The following PRDM13 variants were observed in gnomAD, a reference collection of about 807,000 sequenced individuals.
The protein encoded by PRDM13 is PR domain zinc finger protein 13.
A neutral mutation model predicts 36.4 loss-of-function variants in PRDM13; 15 were observed. The ratio of observed to expected loss-of-function variants is 0.41; its 90% CI spans 0.28 to 0.64. PRDM13 has a LOEUF of 0.64. PRDM13 is among the 30% of genes least tolerant of loss of function. PRDM13 has a pLI of 0.29. For missense variants in PRDM13, 1,044 were observed against 1,013.5 expected (o/e 1.03, Z -0.41); for synonymous variants, 531 against 467.7 (o/e 1.14, Z -1.75).
Position 99,608,728 on chromosome 6 carries a change from G to C in PRDM13, c.145-13G>C, listed in dbSNP as rs934664136. 10 of 1,599,506 alleles carry C rather than the reference G, an allele frequency of 6.3e-6. No individual in the cohort carries two copies. The highest frequency in any genetic ancestry group is 7.7e-6 in the Non-Finnish European group (9 of 1,172,412). On this transcript the variant is annotated splice_polypyrimidine_tract_variant and intron_variant, in intron 1 of 3. Coordinates refer to ENST00000369215, the MANE Select transcript of PRDM13 (RefSeq NM_021620.4). Reference sequence around the variant, plus strand: ...CAAGGTGCGGGGGAGAACGACCACTGCTTGTGTTGCAGGTGCGCATGGTGA... The same window carrying C: ...CAAGGTGCGGGGGAGAACGACCACTCCTTGTGTTGCAGGTGCGCATGGTGA...
Position 99,613,625 on chromosome 6 carries a change from GGGC to G in PRDM13, c.993_995del (p.Gly333del). ...CCGGCCTCGCTTTGGGCAGGCTGCTGGGCGGGGGCCGGGCGTGCGGGCGCCCCG... is the reference window on the plus strand; with the variant it reads ...CCGGCCTCGCTTTGGGCAGGCTGCTGGGGGGCCGGGCGTGCGGGCGCCCCG... On this transcript the variant is annotated inframe_deletion, in exon 4 of 4. Transcript: ENST00000369215. The surrounding 1 kb of genome is among the most constrained non-coding windows in gnomAD (Gnocchi z 6.1). 6.9e-7 allele frequency: 1 copy of G among 1,458,680 alleles called. No individual in the cohort carries two copies. The highest frequency in any genetic ancestry group is 2.7e-5 in the Admixed American group (1 of 36,478). The allele number at this position is 1,458,680 out of a possible 1,614,324, so 90.4% of individuals were successfully genotyped here.
chr6:99,613,664 G>C lies in PRDM13; in HGVS notation c.1029G>C (p.Glu343Asp), dbSNP rs893452226. 3.5e-6 allele frequency: 5 copies of C among 1,424,666 alleles called. No homozygotes were observed. The African/African-American group carries it at 6.1e-5, about 17-fold the overall frequency. 88.3% of individuals were successfully genotyped at this position (1,424,666 alleles called of 1,614,324 possible). A position where few individuals can be genotyped will look rare whatever the true frequency, so the allele number is the denominator to read the frequency against. Residue 343 changes from glutamate (E) to aspartate (D), a missense_variant, in exon 4 of 4, where the codon GAG (glutamate) becomes GAC (aspartate). Glu to Asp is a conservative substitution (Grantham distance 45). Around this residue, in one of 3 missense-constraint regions of PRDM13, gnomAD observed 921 missense variants for 865.2 expected, o/e 1.06. Coordinates refer to ENST00000369215, the MANE Select transcript of PRDM13 (RefSeq NM_021620.4). The surrounding 1 kb of genome is among the most constrained non-coding windows in gnomAD (Gnocchi z 6.1). ...CGTGCGGGCGCCCCGGGAGCGGGGAGAACTCGGCGGCGGGCGGCGCGGGTC... is the reference window on the plus strand; with the variant it reads ...CGTGCGGGCGCCCCGGGAGCGGGGACAACTCGGCGGCGGGCGGCGCGGGTC... ...GRACGRPGSGENSAAGGAGHH... is the reference protein window; with the variant it reads ...GRACGRPGSGDNSAAGGAGHH...
Position 99,613,265 on chromosome 6 carries a change from C to T in PRDM13, c.630C>T (p.Pro210=), listed in dbSNP as rs1345033633. Residue 210 remains proline (P), a synonymous_variant, in exon 4 of 4, where the codon CCC becomes CCT. Coordinates refer to ENST00000369215, the MANE Select transcript of PRDM13 (RefSeq NM_021620.4). The surrounding 1 kb of genome is among the most constrained non-coding windows in gnomAD (Gnocchi z 6.1). ...CTTCCCAGGCAGGAACTTTGCGACC[C>T]CACCCCCTGGGCCCGCCACCAGTTC... ...AAPSQAGTLR[P]HPLGPPPVQA... The T allele has an allele frequency of 6.2e-7, 1 of 1,602,930 alleles. No homozygotes were observed. The highest frequency in any genetic ancestry group is 1.3e-5 in the African/African-American group (1 of 74,802).
rs549893334 is a variant in PRDM13 at position 99,606,903 on chromosome 6, C to T, written c.-132C>T. 15 of 1,252,908 alleles carry T rather than the reference C, an allele frequency of 1.2e-5. No individual in the cohort carries two copies. In the East Asian group the frequency reaches 3.2e-4, roughly 27 times the overall value. 77.6% of individuals were successfully genotyped at this position (1,252,908 alleles called of 1,614,324 possible). On this transcript the variant is annotated 5_prime_UTR_variant, in exon 1 of 4. Coordinates refer to ENST00000369215, the MANE Select transcript of PRDM13 (RefSeq NM_021620.4). ...TTGAAAAGGCGCAGTGCATGCCCGC[C>T]CGCGTCACTCCGCGGGCGGAGGACG...
At chr6:99,612,909 A>G (rs1770052330) in intron 3 of PRDM13, 124 bp from the exon 4 acceptor site, 2 of 1,491,142 alleles carry the variant, frequency 1.3e-6, no homozygotes, top group Non-Finnish European at 8.9e-7. Flanking sequence ...TACCGAACTT[A>G]TATTTCACCC....
Position 99,614,584 on chromosome 6 carries a change from A to G in PRDM13, c.1949A>G (p.Lys650Arg). The G allele has an allele frequency of 6.2e-7, 1 of 1,612,680 alleles. No individual in the cohort carries two copies. Among genetic ancestry groups the G allele is most frequent in the Non-Finnish European group, 8.5e-7 (1 of 1,179,860 alleles). ...CGCCGGGACCTGGAGCGACATGTCA[A>G]GTCCCGCCACCCTGGCCAGAGTCTG... is the stretch of plus-strand genomic sequence containing the variant. ...VRRRDLERHV[K>R]SRHPGQSLLA... The change falls in exon 4 of 4, where the codon AAG (lysine) becomes AGG (arginine). Residue 650 changes from lysine (K) to arginine (R), a missense_variant. Transcript: ENST00000369215.
chr6:99,611,964 A>G (rs569177095), intron 3 of PRDM13, among the ~76,000 whole-genome samples: 4 of 152,186 alleles, frequency 2.6e-5, no homozygotes, highest in Non-Finnish European at 5.9e-5. Flanking sequence ...CTAGTATGTG[A>G]TCAGAATGTC....
chr6:99,608,907 C>G (rs777561035), intron 2 of PRDM13, 35 bp downstream of exon 2: 14 of 1,592,940 alleles, frequency 8.8e-6, no homozygotes, highest in Non-Finnish European at 1.2e-5. Flanking sequence ...CCCCCACTCC[C>G]CACCGCCAAT....
In PRDM13 at chr6:99,614,160, C is replaced by T. The variant is rs779421699; in HGVS notation, c.1525C>T (p.Pro509Ser). 11 of 1,600,928 alleles carry T rather than the reference C, an allele frequency of 6.9e-6. No individual in the cohort carries two copies. The highest frequency in any genetic ancestry group is 9.4e-6 in the Non-Finnish European group (11 of 1,176,122). The change falls in exon 4 of 4, where the codon CCC (proline) becomes TCC (serine). Residue 509 changes from proline (P) to serine (S), a missense_variant. Transcript: ENST00000369215. ...FSGPAAAALS[P>S]AELGSLASID... is the part of the protein sequence containing the mutation. ...CGGGCCTGCAGCGGCCGCCCTAAGC[C>T]CCGCCGAGCTGGGGTCGCTGGCCAG...
Position 99,614,245 on chromosome 6 carries a change from G to A in PRDM13, c.1610G>A (p.Gly537Asp), listed in dbSNP as rs1770091192. The A allele has an allele frequency of 6.2e-7, 1 of 1,609,240 alleles. No homozygotes were observed. Among genetic ancestry groups the A allele is most frequent in the Non-Finnish European group, 8.5e-7 (1 of 1,178,782 alleles). Residue 537 changes from glycine (G) to aspartate (D), a missense_variant, in exon 4 of 4, where the codon GGT becomes GAT. Around this residue, in one of 3 missense-constraint regions of PRDM13, gnomAD observed 921 missense variants for 865.2 expected, o/e 1.06. Transcript: ENST00000369215. ...QQLSEMAAGK[G>D]RGRLDSGTLP... ...CTGTCCGAGATGGCTGCCGGGAAGG[G>A]TCGCGGACGCCTGGACTCGGGGACG...
At position 99,614,526 on chromosome 6, in the gene PRDM13, C is replaced by T; in HGVS notation, c.1891C>T (p.Arg631Cys). The T allele has an allele frequency of 6.2e-7, 1 of 1,613,186 alleles. No individual in the cohort carries two copies. Among genetic ancestry groups the T allele is most frequent in the Middle Eastern group, 1.6e-4 (1 of 6,062 alleles). Residue 631 changes from arginine (R) to cysteine (C), a missense_variant, in exon 4 of 4, where the codon CGC (arginine) becomes TGC (cysteine). By Grantham distance (180) the Arg-to-Cys change is radical. Transcript: ENST00000369215. ...RLHAEGNTPYRCEFCGKVLVR... is the reference protein window; with the variant it reads ...RLHAEGNTPYCCEFCGKVLVR... Reference sequence around the variant, plus strand: ...GCACGCCGAGGGCAATACGCCCTACCGCTGCGAGTTCTGCGGCAAGGTACT... The same window carrying T: ...GCACGCCGAGGGCAATACGCCCTACTGCTGCGAGTTCTGCGGCAAGGTACT...
At chr6:99,609,892 A>G (rs968442927) in intron 3 of PRDM13, among the ~76,000 whole-genome samples, 13 of 131,372 alleles carry the variant, frequency 9.9e-5, no homozygotes, top group African/African-American at 3.4e-4. Context: ...CTCAAAATAA[A>G]TAAATAAAAA....
At chr6:99,607,225 C>T (rs747944435) in intron 1 of PRDM13, 47 bp downstream of exon 1, 1 of 1,600,432 alleles carries the variant, frequency 6.2e-7, no homozygotes, top group South Asian at 1.1e-5. Flanking sequence ...CCTCTCAGTG[C>T]CCTGACCCGG....
In PRDM13 at chr6:99,614,067, G is replaced by T; in HGVS notation, c.1432G>T (p.Ala478Ser). 6.2e-7 allele frequency: 1 copy of T among 1,603,624 alleles called. No individual in the cohort carries two copies. ...GCTCTACGGCTCACCGGCCACCACC[G>T]CTTATTACCCGCTCAAATTGCACTT... is the stretch of plus-strand genomic sequence containing the variant. The part of the protein sequence containing the change: ...ELLYGSPATT[A>S]YYPLKLHFGG... The change falls in exon 4 of 4, where the codon GCT (alanine) becomes TCT (serine). Residue 478 changes from alanine (A) to serine (S), a missense_variant. By Grantham distance (99) the Ala-to-Ser change is moderately conservative (BLOSUM62 1). Transcript: ENST00000369215.
chr6:99,613,926 C>T lies in PRDM13; in HGVS notation c.1291C>T (p.Leu431Phe), dbSNP rs759183617. The T allele has an allele frequency of 3.8e-6, 6 of 1,588,068 alleles. No individual in the cohort carries two copies. The East Asian group carries it at 7.1e-5, about 19-fold the overall frequency. ...GCTGCCCCCTGCGCCGGGGTTGCCC[C>T]TCGAGCGCTGCGCGCTGCCGCCCCT... is the stretch of plus-strand genomic sequence containing the variant. ...AQLPPAPGLP[L>F]ERCALPPLDP... Residue 431 changes from leucine (L) to phenylalanine (F), a missense_variant, in exon 4 of 4, where the codon CTC becomes TTC. By Grantham distance (22) the Leu-to-Phe change is conservative. Transcript: ENST00000369215. The surrounding 1 kb of genome is among the most constrained non-coding windows in gnomAD (Gnocchi z 6.1).
In PRDM13 at chr6:99,613,364, C is replaced by T. The variant is rs1770061952; in HGVS notation, c.729C>T (p.Gly243=). 6.5e-7 allele frequency: 1 copy of T among 1,549,252 alleles called. No individual in the cohort carries two copies. Among genetic ancestry groups the T allele is most frequent in the Middle Eastern group, 1.7e-4 (1 of 5,954 alleles). ...SAPSATSPTP[G]KWGQPKKGKE... is the part of the protein sequence containing the mutation. Reference sequence around the variant, plus strand: ...CCTCGGCCACCTCGCCGACCCCAGGCAAGTGGGGGCAGCCCAAGAAGGGCA... The same window carrying T: ...CCTCGGCCACCTCGCCGACCCCAGGTAAGTGGGGGCAGCCCAAGAAGGGCA... Residue 243 remains glycine, a synonymous_variant, in exon 4 of 4, where the codon GGC becomes GGT. Transcript: ENST00000369215. This position sits in a 1 kb window ranked among gnomAD's most constrained non-coding sequence, Gnocchi z 6.1.
At position 99,607,065 on chromosome 6, in the gene PRDM13, A is replaced by G; in HGVS notation, c.31A>G (p.Ser11Gly). The change falls in exon 1 of 4, where the codon AGC becomes GGC. Residue 11 changes from serine (S) to glycine (G), a missense_variant. Physicochemically the swap from Ser to Gly is moderately conservative, Grantham distance 56 (BLOSUM62 0). This residue lies in a region of PRDM13 where 921 missense variants were observed against 865.2 expected (regional missense o/e 1.06). Coordinates refer to ENST00000369215, the MANE Select transcript of PRDM13 (RefSeq NM_021620.4). MHGAARAPAT[S>G]VSADCCIPAG... ...CGGAGCCGCCAGAGCGCCAGCCACC[A>G]GCGTGAGTGCCGACTGCTGCATCCC... 1 of 1,612,566 alleles carries G rather than the reference A, an allele frequency of 6.2e-7. No homozygotes were observed. The highest frequency in any genetic ancestry group is 8.5e-7 in the Non-Finnish European group (1 of 1,179,508).
Position 99,614,738 on chromosome 6 carries a change from C to T in PRDM13, c.2103C>T (p.Gly701=). 1.9e-6 allele frequency: 3 copies of T among 1,575,770 alleles called. No individual in the cohort carries two copies. Among genetic ancestry groups the T allele is most frequent in the Non-Finnish European group, 2.6e-6 (3 of 1,161,204 alleles). The part of the protein sequence containing the change: ...TDDQSDPEVG[G]GGERDL ...ACCAGAGCGACCCCGAGGTTGGGGG[C>T]GGCGGGGAGCGCGACTTGTAACGAG... Residue 701 remains glycine, a synonymous_variant, in exon 4 of 4, where the codon GGC becomes GGT. Coordinates refer to ENST00000369215, the MANE Select transcript of PRDM13 (RefSeq NM_021620.4).
At chr6:99,608,921 G>A (rs1769992974) in intron 2 of PRDM13, 49 bp downstream of exon 2, 1 of 1,587,060 alleles carries the variant, frequency 6.3e-7, no homozygotes, top group Non-Finnish European at 8.6e-7. Flanking sequence ...CGCCAATTCA[G>A]TCTACCTAAC....
Sources: gnomAD v4.1 joint callset for allele counts (sites outside exome capture counted in the v4.1 genomes callset) on GRCh38, gnomAD v4.1.1 for gene constraint, gnomAD v4.1.1 regional missense constraint, Gnocchi (gnomAD v3.1) non-coding constraint, MANE v1.5 for transcripts, NCBI Gene and HGNC (gene_info 2026-07-23, HGNC 2026-07-21) for gene names.